BOC: variants seen among roughly 807,000 people sequenced by gnomAD.
The protein encoded by BOC is BOC cell adhesion associated, oncogene regulated, also known as brother of CDO.
Under a neutral mutation model 112.0 loss-of-function variants are expected in BOC, and 76 were observed. The ratio of observed to expected loss-of-function variants is 0.68; its 90% CI spans 0.56 to 0.82. The LOEUF (loss-of-function observed/expected upper bound fraction) is 0.82. BOC is among the 40% of genes least tolerant of loss of function. The pLI is 0.00. For synonymous variants in BOC, 580 were observed against 599.8 expected (o/e 0.97, Z 0.48); for missense variants, 1,309 against 1,511.7 (o/e 0.87, Z 2.22).
chr3:113,214,067 C>G (rs1938810715), intron 1 of BOC, among the ~76,000 whole-genome samples: 1 of 152,306 alleles, frequency 6.6e-6, no homozygotes, highest in Admixed American at 6.5e-5. Context: ...ACGCCATAGG[C>G]CACTGGCTTT....
At chr3:113,256,765 G>A (rs1211434442) in intron 4 of BOC, among the ~76,000 whole-genome samples, 1 of 151,744 alleles carries the variant, frequency 6.6e-6, no homozygotes, top group Non-Finnish European at 1.5e-5. Flanking sequence ...ATGTGTGTGT[G>A]TGTGTATATA....
intron 5 of BOC, among the ~76,000 whole-genome samples, chr3:113,268,845 C>T (rs1443149919): frequency 6.6e-6 from 1 of 152,234 alleles, no homozygotes; most frequent in African/African-American, 2.4e-5. Context: ...TGAGCTCAAG[C>T]AATCTTCCCG....
At chr3:113,249,489 A>G (rs1427702029) in intron 2 of BOC, among the ~76,000 whole-genome samples, 2 of 152,214 alleles carry the variant, frequency 1.3e-5, no homozygotes, top group Non-Finnish European at 2.9e-5. Flanking sequence ...TTCTTACTAC[A>G]ATAAAATCAC....
At chr3:113,276,855 A>G (rs1384470447) in intron 9 of BOC, among the ~76,000 whole-genome samples, 2 of 152,170 alleles carry the variant, frequency 1.3e-5, no homozygotes, top group Admixed American at 1.3e-4. Context: ...ACTTTGGAAT[A>G]TTCTGCTCAG....
chr3:113,267,974 C>A (rs1268537623), intron 4 of BOC, among the ~76,000 whole-genome samples: 1 of 150,078 alleles, frequency 6.7e-6, no homozygotes, highest in African/African-American at 2.5e-5. Context: ...GACCCCCCCC[C>A]ATTTCTGGGG....
chr3:113,263,511 G>A (rs1310118885), intron 4 of BOC, among the ~76,000 whole-genome samples: 1 of 152,224 alleles, frequency 6.6e-6, no homozygotes, highest in East Asian at 1.9e-4. Flanking sequence ...CAGCTTAAAG[G>A]AGAATGCAGG....
rs530405748 is a variant in BOC at position 113,272,818 on chromosome 3, T to C, written c.961+115T>C. Reference sequence around the variant, plus strand: ...TAGCATCTTGTGAAAGGCCACATGCTGAGTGAGGAACAGGCATGCTGAAGA... The same window carrying C: ...TAGCATCTTGTGAAAGGCCACATGCCGAGTGAGGAACAGGCATGCTGAAGA... On this transcript the variant is annotated intron_variant, in intron 7 of 19. Transcript: ENST00000682979. The C allele has an allele frequency of 6.0e-4, 783 of 1,297,782 alleles. 1 individual carries two copies. The highest frequency in any genetic ancestry group is 7.9e-4 in the Non-Finnish European group (744 of 940,296). 80.4% of individuals were successfully genotyped at this position (1,297,782 alleles called of 1,614,324 possible).
At chr3:113,259,814 G>T (rs1020267186) in intron 4 of BOC, among the ~76,000 whole-genome samples, 1 of 152,188 alleles carries the variant, frequency 6.6e-6, no homozygotes, top group East Asian at 1.9e-4. Flanking sequence ...GTGATTAATA[G>T]TGAGGTGCTT....
chr3:113,249,817 G>A lies in BOC; in HGVS notation c.15G>A (p.Thr5=), dbSNP rs756775183. 23 of 1,612,958 alleles carry A rather than the reference G, an allele frequency of 1.4e-5. No individual in the cohort carries two copies. The East Asian group carries it at 3.6e-4, about 25-fold the overall frequency. MLRG[T]MTAWRGMRPE... is the part of the protein sequence containing the mutation. ...TGTGATACACCATGCTGCGTGGGAC[G>A]ATGACGGCGTGGAGAGGAATGAGGC... The change falls in exon 3 of 20, where the codon ACG becomes ACA. Residue 5 remains threonine, a synonymous_variant. Coordinates refer to ENST00000682979, the MANE Select transcript of BOC (RefSeq NM_001378074.1).
In BOC at chr3:113,273,155, C is replaced by G. The variant is rs1340626797; in HGVS notation, c.1048C>G (p.Pro350Ala). ...GCTTACCTGTGAGGTGCGTGGGAAC[C>G]CCCCGCCCTCCGTGCTGTGGCTGAG... Reference protein sequence around the residue: ...AKLTCEVRGNPPPSVLWLRNA... With the variant: ...AKLTCEVRGNAPPSVLWLRNA... Residue 350 changes from proline to alanine, a missense_variant, in exon 8 of 20, where the codon CCC (proline) becomes GCC (alanine). Physicochemically the swap from Pro to Ala is conservative, Grantham distance 27 (BLOSUM62 -1). Transcript: ENST00000682979. The G allele has an allele frequency of 6.2e-7, 1 of 1,614,008 alleles. No homozygotes were observed.
chr3:113,220,511 C>T (rs1047326368), intron 2 of BOC, among the ~76,000 whole-genome samples: 1 of 152,158 alleles, frequency 6.6e-6, no homozygotes. Flanking sequence ...ATGGGAGAGG[C>T]GTTCCTCTAA....
chr3:113,230,956 T>C lies in BOC; in HGVS notation c.-82+14682T>C, dbSNP rs1365316551. ...AATATTAAATGTATTTTCTTCTTTT[T>C]CCCCAAAAATACTTATCCACATTGT... On this transcript the variant is annotated intron_variant, in intron 2 of 19. Coordinates refer to ENST00000682979, the MANE Select transcript of BOC (RefSeq NM_001378074.1). 2.6e-5 allele frequency among the ~76,000 whole-genome samples: 4 copies of C among 152,334 alleles called. No homozygotes were observed. The East Asian group carries it at 7.7e-4, about 29-fold the overall frequency.
intron 6 of BOC, 142 bp from the exon 7 acceptor site, chr3:113,272,268 C>A: frequency 1.2e-6 from 1 of 854,082 alleles, no homozygotes; most frequent in Non-Finnish European, 1.8e-6. Context: ...AATTCTGTAG[C>A]ACGCCCCACT....
At chr3:113,218,760 G>A (rs1301903032) in intron 2 of BOC, among the ~76,000 whole-genome samples, 1 of 152,234 alleles carries the variant, frequency 6.6e-6, no homozygotes. Flanking sequence ...AGGCCCCACA[G>A]TCAGGTGCTT....
intron 2 of BOC, among the ~76,000 whole-genome samples, chr3:113,248,244 C>T (rs1383686969): frequency 1.3e-5 from 2 of 152,206 alleles, no homozygotes; most frequent in Admixed American, 6.5e-5. Context: ...ATCCGAAGCA[C>T]TTCCCAACAC....
intron 2 of BOC, among the ~76,000 whole-genome samples, chr3:113,221,239 G>A (rs1394162445): frequency 6.6e-6 from 1 of 152,236 alleles, no homozygotes; most frequent in Non-Finnish European, 1.5e-5. Flanking sequence ...ATTAGGGAAG[G>A]AAAGAGGAAC....
intron 4 of BOC, among the ~76,000 whole-genome samples, chr3:113,253,659 C>T (rs574296492): frequency 2.6e-5 from 4 of 152,198 alleles, no homozygotes; most frequent in African/African-American, 9.6e-5. Flanking sequence ...ACCCATGTAA[C>T]CATCCCCAAT....
At chr3:113,261,497 C>T (rs1007066936) in intron 4 of BOC, among the ~76,000 whole-genome samples, 13 of 152,282 alleles carry the variant, frequency 8.5e-5, no homozygotes, top group South Asian at 4.1e-4. Flanking sequence ...GCCCTGAAGT[C>T]GGGTAGATGA....
Position 113,250,593 on chromosome 3 carries a change from G to T in BOC, c.136G>T (p.Val46Phe). The T allele has an allele frequency of 6.2e-7, 1 of 1,614,054 alleles. No individual in the cohort carries two copies. Among genetic ancestry groups the T allele is most frequent in the Non-Finnish European group, 8.5e-7 (1 of 1,179,980 alleles). ...GGTCACCGTCCAGCCTGCGTCCACCGTCCAGAAGCCCGGAGGCACTGTGAT... is the reference window on the plus strand; with the variant it reads ...GGTCACCGTCCAGCCTGCGTCCACCTTCCAGAAGCCCGGAGGCACTGTGAT... ...PQVTVQPASTVQKPGGTVILG... is the reference protein window; with the variant it reads ...PQVTVQPASTFQKPGGTVILG... The change falls in exon 4 of 20, where the codon GTC (valine) becomes TTC (phenylalanine). Residue 46 changes from valine (V) to phenylalanine (F), a missense_variant. Transcript: ENST00000682979.
Sources: gnomAD v4.1 joint callset for allele counts (sites outside exome capture counted in the v4.1 genomes callset) on GRCh38, gnomAD v4.1.1 for gene constraint, MANE v1.5 for transcripts, NCBI Gene and HGNC (gene_info 2026-07-23, HGNC 2026-07-21) for gene names.